Variants in DLG1 observed in about 807,000 individuals in gnomAD.
DLG1 encodes disks large homolog 1.
Under a neutral mutation model 123.4 loss-of-function variants are expected in DLG1, and 42 were observed. That is an observed-to-expected ratio of 0.34 (90% CI 0.27 to 0.44). The LOEUF (loss-of-function observed/expected upper bound fraction) is 0.44. Among genes scored for constraint, DLG1 ranks in the 20% least tolerant of loss-of-function variants. DLG1 has a pLI of 1.00. For synonymous variants in DLG1, 317 were observed against 356.2 expected (o/e 0.89, Z 1.24); for missense variants, 942 against 1,082.6 (o/e 0.87, Z 1.82).
chr3:197,226,005 G>C (rs565433766), intron 4 of DLG1: 4 of 151,452 alleles, frequency 2.6e-5, no homozygotes, highest in East Asian at 1.9e-4. Context: ...TGAAATTCCA[G>C]AAAAATGCCT....
chr3:197,047,589 CCTA>C (rs1266037836), intron 24 of DLG1, among the ~76,000 whole-genome samples: 2 of 150,996 alleles, frequency 1.3e-5, no homozygotes, highest in Non-Finnish European at 2.9e-5. Flanking sequence ...GGAGTTGCTA[CCTA>C]CTTTTTTTTT....
chr3:197,242,209 A>G (rs902136102), intron 4 of DLG1, among the ~76,000 whole-genome samples: 1 of 151,898 alleles, frequency 6.6e-6, no homozygotes, highest in African/African-American at 2.4e-5. Context: ...GAAGGTCACT[A>G]TATGATGATA....
chr3:197,121,838 A>AAAC (rs1553931923), intron 11 of DLG1, among the ~76,000 whole-genome samples: 1 of 151,570 alleles, frequency 6.6e-6, no homozygotes, highest in African/African-American at 2.4e-5. Context: ...AAAAAAAAAA[A>AAAC]AAAAAATCAA....
At chr3:197,257,927 C>T (rs529170978) in intron 4 of DLG1, among the ~76,000 whole-genome samples, 2 of 152,304 alleles carry the variant, frequency 1.3e-5, no homozygotes, top group South Asian at 2.1e-4. Flanking sequence ...AACTCCACCT[C>T]AACGGACATG....
intron 22 of DLG1, among the ~76,000 whole-genome samples, chr3:197,061,550 AAGTCTCCTT>A (rs147144386): frequency 0.022 from 3,310 of 151,886 alleles, 104 homozygotes; most frequent in African/African-American, 0.073. Flanking sequence ...TTTAGTTGTA[AAGTCTCCTT>A]AGTCTCCGTC....
At chr3:197,129,750 A>G (rs934357205) in intron 11 of DLG1, among the ~76,000 whole-genome samples, 6 of 152,136 alleles carry the variant, frequency 3.9e-5, no homozygotes, top group Non-Finnish European at 8.8e-5. Flanking sequence ...CCTAATATCA[A>G]TATTGTTGTA....
At chr3:197,220,284 A>C (rs1030101710) in intron 4 of DLG1, among the ~76,000 whole-genome samples, 4 of 152,216 alleles carry the variant, frequency 2.6e-5, no homozygotes, top group East Asian at 1.9e-4. Context: ...AATGTTATAT[A>C]TTTAAACCAA....
chr3:197,201,016 T>A (rs1323665641), intron 4 of DLG1, among the ~76,000 whole-genome samples: 1 of 152,056 alleles, frequency 6.6e-6, no homozygotes, highest in African/African-American at 2.4e-5. Context: ...ACAAAAGGCA[T>A]CCAAATTAGA....
At chr3:197,138,667 C>T (rs1397696199) in intron 8 of DLG1, among the ~76,000 whole-genome samples, 1 of 152,084 alleles carries the variant, frequency 6.6e-6, no homozygotes, top group African/African-American at 2.4e-5. Flanking sequence ...CATTTGCATA[C>T]TTCCTGCATG....
chr3:197,057,384 C>A (rs9837225), intron 23 of DLG1, among the ~76,000 whole-genome samples: 6,927 of 152,214 alleles, frequency 0.046, 326 homozygotes, highest in African/African-American at 0.12. Flanking sequence ...ACCTGACAGT[C>A]GTTGACTATT....
At chr3:197,134,546 C>T (rs924058206) in intron 10 of DLG1, among the ~76,000 whole-genome samples, 4 of 149,442 alleles carry the variant, frequency 2.7e-5, no homozygotes, top group African/African-American at 7.4e-5. Flanking sequence ...TTTTTAAAAA[C>T]CAACTTCCTA....
At chr3:197,245,597 T>C (rs942892565) in intron 4 of DLG1, among the ~76,000 whole-genome samples, 1 of 152,040 alleles carries the variant, frequency 6.6e-6, no homozygotes, top group Admixed American at 6.6e-5. Flanking sequence ...CCCCAGTGGG[T>C]TTCTTGATGT....
At chr3:197,281,220 C>T (rs929910109) in intron 4 of DLG1, among the ~76,000 whole-genome samples, 7 of 152,018 alleles carry the variant, frequency 4.6e-5, no homozygotes, top group South Asian at 2.1e-4. Context: ...GTATTTTAGA[C>T]GTGAGACGTG....
intron 4 of DLG1, among the ~76,000 whole-genome samples, chr3:197,273,859 A>AAAAAG: frequency 6.6e-6 from 1 of 150,376 alleles, no homozygotes; most frequent in African/African-American, 2.4e-5. Flanking sequence ...CAAAAAAAAA[A>AAAAAG]AAAAAACCAA....
intron 3 of DLG1, among the ~76,000 whole-genome samples, chr3:197,293,587 T>C (rs955857091): frequency 5.9e-5 from 9 of 151,272 alleles, no homozygotes; most frequent in African/African-American, 2.2e-4. Context: ...AGGAACCTAA[T>C]CTATGTATCA....
At chr3:197,112,307 A>G (rs1199551241) in intron 13 of DLG1, among the ~76,000 whole-genome samples, 2 of 152,200 alleles carry the variant, frequency 1.3e-5, no homozygotes, top group Non-Finnish European at 2.9e-5. Flanking sequence ...AAAATATAGA[A>G]CAATTACATC....
intron 3 of DLG1, among the ~76,000 whole-genome samples, chr3:197,288,743 A>AAAAAAAAACATACATACATAC (rs1553827364): frequency 1.4e-5 from 1 of 72,078 alleles, no homozygotes; most frequent in Admixed American, 1.7e-4. Flanking sequence ...AAAAAAAAAA[A>AAAAAAAAACATACATACATAC]ATACATACAT....
intron 4 of DLG1, among the ~76,000 whole-genome samples, chr3:197,227,041 TAAC>T (rs1448107349): frequency 1.3e-5 from 2 of 152,236 alleles, no homozygotes; most frequent in African/African-American, 4.8e-5. Flanking sequence ...AAAGCTGAAT[TAAC>T]AAATGCCAGT....
chr3:197,132,992 CTTCTGAAATACACATTAAATAGCT>C (rs1783425333), intron 10 of DLG1, among the ~76,000 whole-genome samples: 1 of 140,636 alleles, frequency 7.1e-6, no homozygotes, highest in African/African-American at 2.7e-5. Flanking sequence ...CTGTGGTATA[CTTCTGAAATACACATTAAATAGCT>C]GTGGTATACT....
Sources: allele counts gnomAD v4.1 joint callset (sites outside exome capture counted in the v4.1 genomes callset), GRCh38; gene constraint gnomAD v4.1.1; transcripts MANE v1.5; gene names NCBI Gene and HGNC (gene_info 2026-07-23, HGNC 2026-07-21).